ZNF804A: variants seen among roughly 807,000 people sequenced by gnomAD.
ZNF804A encodes zinc finger protein 804A.
In ZNF804A, 2 loss-of-function variants were observed where a neutral mutation model predicts 16.5. That is an observed-to-expected ratio of 0.12 (90% CI 0.05 to 0.38). The LOEUF (loss-of-function observed/expected upper bound fraction) is 0.38. Among genes scored for constraint, ZNF804A ranks in the 10% least tolerant of loss-of-function variants. ZNF804A has a pLI of 0.99. For missense variants in ZNF804A, 1,473 were observed against 1,390.7 expected, an observed-to-expected ratio of 1.06 and a Z score of -0.94; for synonymous variants, 534 against 489.6, an observed-to-expected ratio of 1.09 and a Z score of -1.20.
intron 2 of ZNF804A, among the ~76,000 whole-genome samples, chr2:184,887,058 C>T (rs911990061): frequency 6.6e-6 from 1 of 152,186 alleles, no homozygotes; most frequent in Admixed American, 6.5e-5. Flanking sequence ...TCTCTGCTTC[C>T]CTTATAAAAC....
chr2:184,918,428 A>T (rs1685484040), intron 2 of ZNF804A, among the ~76,000 whole-genome samples: 1 of 152,136 alleles, frequency 6.6e-6, no homozygotes, highest in Admixed American at 6.6e-5. Flanking sequence ...GGTAATAGGG[A>T]GTGTGCCTGT....
At chr2:184,778,893 T>C (rs73980313) in intron 1 of ZNF804A, among the ~76,000 whole-genome samples, 4,555 of 151,774 alleles carry the variant, frequency 0.03, 230 homozygotes, top group African/African-American at 0.1. Flanking sequence ...ATCATCATCT[T>C]CAGGAAATGA....
rs148413210 is a variant in ZNF804A, at chr2:184,693,675, C to T, written c.111+94605C>T. ...AAATCCACTTAAAAAGATAATAGTT[C>T]CTATATGTGCCTATGCATTATTTTT... On this transcript the variant is annotated intron_variant, in intron 1 of 3. Coordinates refer to ENST00000302277, the MANE Select transcript of ZNF804A (RefSeq NM_194250.2). Among the ~76,000 whole-genome samples, 322 of 152,098 alleles carry T rather than the reference C, an allele frequency of 2.1e-3. 1 individual carries two copies. The highest frequency in any genetic ancestry group is 3.7e-3 in the Non-Finnish European group (251 of 67,976).
chr2:184,902,869 T>C (rs1476946280), intron 2 of ZNF804A, among the ~76,000 whole-genome samples: 2 of 152,210 alleles, frequency 1.3e-5, no homozygotes, highest in Non-Finnish European at 2.9e-5. Context: ...GTGCTAATAC[T>C]TTGCCTAAGA....
At chr2:184,728,068 A>C (rs1211099745) in intron 1 of ZNF804A, among the ~76,000 whole-genome samples, 1 of 151,734 alleles carries the variant, frequency 6.6e-6, no homozygotes, top group Non-Finnish European at 1.5e-5. Flanking sequence ...ATACCTAAAA[A>C]TATACTAGTT....
intron 2 of ZNF804A, among the ~76,000 whole-genome samples, chr2:184,924,747 T>C (rs1197286479): frequency 6.6e-6 from 1 of 151,896 alleles, no homozygotes; most frequent in Non-Finnish European, 1.5e-5. Context: ...GTTTCCGTTA[T>C]CATTTGATTA....
chr2:184,836,158 C>A (rs1695342813), intron 1 of ZNF804A, among the ~76,000 whole-genome samples: 1 of 152,092 alleles, frequency 6.6e-6, no homozygotes, highest in Non-Finnish European at 1.5e-5. Flanking sequence ...GTGCTTGGCA[C>A]ATGGTAGTTG....
chr2:184,913,456 G>C (rs1406035066), intron 2 of ZNF804A, among the ~76,000 whole-genome samples: 1 of 152,054 alleles, frequency 6.6e-6, no homozygotes, highest in African/African-American at 2.4e-5. Flanking sequence ...AAGTCCACTA[G>C]CAACAACTCC....
At chr2:184,644,014 C>A (rs1691835701) in intron 1 of ZNF804A, among the ~76,000 whole-genome samples, 1 of 151,474 alleles carries the variant, frequency 6.6e-6, no homozygotes, top group Admixed American at 6.6e-5. Flanking sequence ...AAATATTTTA[C>A]CATAAAATTC....
At chr2:184,916,692 A>C (rs1685455465) in intron 2 of ZNF804A, among the ~76,000 whole-genome samples, 1 of 152,134 alleles carries the variant, frequency 6.6e-6, no homozygotes, top group African/African-American at 2.4e-5. Context: ...TATTGAAAAT[A>C]CAAAAATTAG....
intron 1 of ZNF804A, among the ~76,000 whole-genome samples, chr2:184,680,846 G>A (rs1473928717): frequency 6.6e-6 from 1 of 152,232 alleles, no homozygotes. Flanking sequence ...TTAGACCTAG[G>A]AGCTCCCCCA....
chr2:184,906,387 C>T (rs547775838), intron 2 of ZNF804A, among the ~76,000 whole-genome samples: 2 of 152,136 alleles, frequency 1.3e-5, no homozygotes, highest in South Asian at 4.1e-4. Context: ...TACCCGCAAC[C>T]TTCCAGGCTC....
intron 1 of ZNF804A, among the ~76,000 whole-genome samples, chr2:184,735,066 T>C (rs1358897339): frequency 6.6e-6 from 1 of 152,178 alleles, no homozygotes; most frequent in Non-Finnish European, 1.5e-5. Flanking sequence ...TAAAGTGTAT[T>C]GCTTCTAGAT....
At chr2:184,714,868 G>A (rs1693188552) in intron 1 of ZNF804A, among the ~76,000 whole-genome samples, 1 of 152,076 alleles carries the variant, frequency 6.6e-6, no homozygotes, top group African/African-American at 2.4e-5. Context: ...ATCCAAGACT[G>A]AATACATTTT....
chr2:184,921,540 T>G (rs1164325821), intron 2 of ZNF804A, among the ~76,000 whole-genome samples: 1 of 152,146 alleles, frequency 6.6e-6, no homozygotes, highest in Non-Finnish European at 1.5e-5. Flanking sequence ...ATGGCTCACA[T>G]AAGATATTTT....
rs1235082194 is a variant in ZNF804A, at chr2:184,906,704, C to T, written c.256-26899C>T. On this transcript the variant is annotated intron_variant, in intron 2 of 3. Coordinates refer to ENST00000302277, the MANE Select transcript of ZNF804A (RefSeq NM_194250.2). ...CCCCTAATGTATACACCTCATCAAT[C>T]AGACATTAATTTATTTTCTACTGTG... 2.0e-5 allele frequency among the ~76,000 whole-genome samples: 3 copies of T among 152,116 alleles called. No individual in the cohort carries two copies. The East Asian group carries it at 5.8e-4, about 29-fold the overall frequency.
At chr2:184,874,531 G>A (rs1389804821) in intron 2 of ZNF804A, among the ~76,000 whole-genome samples, 1 of 152,062 alleles carries the variant, frequency 6.6e-6, no homozygotes, top group African/African-American at 2.4e-5. Context: ...TATAATTGAT[G>A]CTATTGTTAA....
intron 1 of ZNF804A, among the ~76,000 whole-genome samples, chr2:184,770,587 G>A (rs1694194194): frequency 7.6e-6 from 1 of 132,294 alleles, no homozygotes; most frequent in African/African-American, 4.3e-5. Context: ...GTATATAGGT[G>A]TATAAAAAAG....
chr2:184,863,730 T>G (rs957744514), intron 1 of ZNF804A, among the ~76,000 whole-genome samples: 1 of 152,188 alleles, frequency 6.6e-6, no homozygotes, highest in Non-Finnish European at 1.5e-5. Flanking sequence ...TATTTTCATT[T>G]CCTCTATTGA....
Sources: gnomAD v4.1 joint callset for allele counts (sites outside exome capture counted in the v4.1 genomes callset) on GRCh38, gnomAD v4.1.1 for gene constraint, MANE v1.5 for transcripts, NCBI Gene and HGNC (gene_info 2026-07-23, HGNC 2026-07-21) for gene names.